Variants in MYT1L observed in about 807,000 individuals in gnomAD.
MYT1L encodes the protein myelin transcription factor 1 like.
MYT1L carries 12 observed loss-of-function variants against 126.7 expected under a neutral mutation model. The observed-to-expected ratio is 0.09, with a 90% CI of 0.06 to 0.15. MYT1L has a LOEUF of 0.15. MYT1L is among the 10% of genes least tolerant of loss of function. MYT1L has a pLI of 1.00. For synonymous variants in MYT1L, 541 were observed against 604.2 expected (o/e 0.90, Z 1.53); for missense variants, 979 against 1,585.2 (o/e 0.62, Z 6.49).
intron 2 of MYT1L, among the ~76,000 whole-genome samples, chr2:2,180,152 G>C (rs989133963): frequency 6.6e-6 from 1 of 152,122 alleles, no homozygotes; most frequent in African/African-American, 2.4e-5. Context: ...GGCCAGAGGA[G>C]AGAGAATCCA....
intron 2 of MYT1L, among the ~76,000 whole-genome samples, chr2:2,231,495 T>C (rs1476854194): frequency 1.3e-5 from 2 of 152,192 alleles, no homozygotes; most frequent in Admixed American, 6.5e-5. Flanking sequence ...TAGAGTGCAG[T>C]GGCACAAACA....
chr2:1,944,497 T>C (rs1303680212), intron 8 of MYT1L, among the ~76,000 whole-genome samples: 1 of 151,916 alleles, frequency 6.6e-6, no homozygotes, highest in African/African-American at 2.4e-5. Flanking sequence ...CCTCTCTCAC[T>C]GGCCCATTAT....
intron 8 of MYT1L, among the ~76,000 whole-genome samples, chr2:1,956,507 T>TTCTTTCTATCTATCTA (rs545208792): frequency 8.9e-6 from 1 of 111,808 alleles, no homozygotes; most frequent in Admixed American, 8.4e-5. Flanking sequence ...ATATTTCCTA[T>TTCTTTCTATCTATCTA]TCTATCTATC....
intron 2 of MYT1L, among the ~76,000 whole-genome samples, chr2:2,232,539 A>G (rs547889038): frequency 1.7e-4 from 26 of 152,310 alleles, no homozygotes; most frequent in African/African-American, 5.5e-4. Context: ...CAAGGCTTCT[A>G]TGAGTTTTTG....
chr2:2,074,200 G>A (rs1366517493), intron 3 of MYT1L, among the ~76,000 whole-genome samples: 1 of 152,150 alleles, frequency 6.6e-6, no homozygotes, highest in Non-Finnish European at 1.5e-5. Context: ...TCCAGAGCCT[G>A]GGTCAGTTAA....
chr2:2,293,908 G>C (rs965743622), intron 1 of MYT1L, among the ~76,000 whole-genome samples: 1 of 152,188 alleles, frequency 6.6e-6, no homozygotes, highest in South Asian at 2.1e-4. Context: ...TGCTTGGCGC[G>C]CCTCTGAGGG....
chr2:1,930,227 A>G (rs1356651772), intron 9 of MYT1L, among the ~76,000 whole-genome samples: 1 of 152,154 alleles, frequency 6.6e-6, no homozygotes, highest in Non-Finnish European at 1.5e-5. Flanking sequence ...CTCTTCCTCA[A>G]TACCTGTCAC....
chr2:1,935,508 A>G (rs1205999771), intron 9 of MYT1L, among the ~76,000 whole-genome samples: 1 of 152,188 alleles, frequency 6.6e-6, no homozygotes, highest in African/African-American at 2.4e-5. Flanking sequence ...ATTGTCCTTA[A>G]TCACAATTGT....
Position 1,937,931 on chromosome 2 carries a change from A to G in MYT1L, c.505+5051T>C, listed in dbSNP as rs146937190. 6.6e-5 allele frequency among the ~76,000 whole-genome samples: 10 copies of G among 152,350 alleles called. No homozygotes were observed. The East Asian group carries it at 1.9e-3, about 29-fold the overall frequency. On this transcript the variant is annotated intron_variant, in intron 9 of 24. Coordinates refer to ENST00000647738, the MANE Select transcript of MYT1L (RefSeq NM_001303052.2). ...ACAGGAAGCCAGGAAGACTTTAGAA[A>G]AGGAAGACACCTGCGTGTCACCGGA...
At chr2:2,021,014 T>C (rs1242710430) in intron 4 of MYT1L, among the ~76,000 whole-genome samples, 2 of 152,218 alleles carry the variant, frequency 1.3e-5, no homozygotes, top group Middle Eastern at 3.4e-3. Flanking sequence ...GTCCTCAGGG[T>C]CCCTCTCTGC....
At chr2:2,098,835 C>A (rs559972224) in intron 3 of MYT1L, among the ~76,000 whole-genome samples, 1 of 152,196 alleles carries the variant, frequency 6.6e-6, no homozygotes, top group Non-Finnish European at 1.5e-5. Context: ...CCACACCCTA[C>A]GGTGAAATTA....
At chr2:2,149,695 T>C (rs1167162347) in intron 3 of MYT1L, among the ~76,000 whole-genome samples, 1 of 152,194 alleles carries the variant, frequency 6.6e-6, no homozygotes, top group Non-Finnish European at 1.5e-5. Context: ...GAGAACGCAT[T>C]GTTACCCTCA....
rs538996081 is a variant in MYT1L at position 1,820,311 on chromosome 2, C to G, written c.3081-11144G>C. On this transcript the variant is annotated intron_variant, in intron 21 of 24. Transcript: ENST00000647738. Reference sequence around the variant, plus strand: ...CATTGCTGTTGAGTACATCTCTTAGCTTCCTTTTCTTTTGTCTCTCACTTT... The same window carrying G: ...CATTGCTGTTGAGTACATCTCTTAGGTTCCTTTTCTTTTGTCTCTCACTTT... 8.5e-5 allele frequency among the ~76,000 whole-genome samples: 13 copies of G among 152,294 alleles called. No individual in the cohort carries two copies. The East Asian group carries it at 2.5e-3, about 29-fold the overall frequency.
intron 8 of MYT1L, among the ~76,000 whole-genome samples, chr2:1,975,374 G>A (rs1486911041): frequency 2.0e-5 from 3 of 149,676 alleles, no homozygotes; most frequent in Non-Finnish European, 3.0e-5. Flanking sequence ...CAATAAAATT[G>A]TAAACTACAA....
At chr2:2,322,011 C>G (rs1242448635) in intron 1 of MYT1L, among the ~76,000 whole-genome samples, 1 of 152,128 alleles carries the variant, frequency 6.6e-6, no homozygotes. Context: ...CATTTTCACA[C>G]TGGCATTTAA....
At chr2:2,063,663 A>T (rs1391465869) in intron 3 of MYT1L, among the ~76,000 whole-genome samples, 1 of 152,100 alleles carries the variant, frequency 6.6e-6, no homozygotes, top group Non-Finnish European at 1.5e-5. Context: ...GGCCAACATG[A>T]TGAAACCCTG....
intron 15 of MYT1L, 39 bp downstream of exon 15, chr2:1,891,998 C>G: frequency 6.8e-7 from 1 of 1,472,520 alleles, no homozygotes; most frequent in Non-Finnish European, 9.0e-7. Context: ...CCGGCCTCCC[C>G]CACCCGCCAG....
chr2:2,142,266 C>T (rs907775757), intron 3 of MYT1L, among the ~76,000 whole-genome samples: 13 of 152,234 alleles, frequency 8.5e-5, no homozygotes, highest in African/African-American at 3.1e-4. Flanking sequence ...CCTTTCCAAA[C>T]GCTTAAGGAC....
At chr2:1,809,009 G>A in intron 22 of MYT1L, 67 bp downstream of exon 22, 1 of 1,389,330 alleles carries the variant, frequency 7.2e-7, no homozygotes, top group Non-Finnish European at 1.0e-6. Flanking sequence ...AGGACACACA[G>A]CTGGCATGGC....
Sources: gnomAD v4.1 joint callset for allele counts (sites outside exome capture counted in the v4.1 genomes callset) on GRCh38, gnomAD v4.1.1 for gene constraint, MANE v1.5 for transcripts, NCBI Gene and HGNC (gene_info 2026-07-23, HGNC 2026-07-21) for gene names.